The following BMPER variants were observed in gnomAD, a reference collection of about 807,000 sequenced individuals.
The protein encoded by BMPER is BMP-binding endothelial regulator protein.
In BMPER, 45 loss-of-function variants were observed where a neutral mutation model predicts 87.3. The ratio of observed to expected loss-of-function variants is 0.52; its 90% confidence interval spans 0.41 to 0.66. The LOEUF is 0.66. BMPER is among the 30% of genes least tolerant of loss of function. The pLI is 0.00. For synonymous variants in BMPER, 326 were observed against 316.2 expected, an observed-to-expected ratio of 1.03 and a Z score of -0.33; for missense variants, 784 against 867.5, an observed-to-expected ratio of 0.90 and a Z score of 1.21.
intron 6 of BMPER, among the ~76,000 whole-genome samples, chr7:33,988,590 G>A (rs1377410166): frequency 6.6e-6 from 1 of 151,892 alleles, no homozygotes; most frequent in African/African-American, 2.4e-5. Flanking sequence ...ATGCAGTGAA[G>A]TGTTTGGTAT....
At chr7:33,942,730 G>A (rs994415817) in intron 3 of BMPER, among the ~76,000 whole-genome samples, 6 of 152,176 alleles carry the variant, frequency 3.9e-5, no homozygotes, top group African/African-American at 1.2e-4. Flanking sequence ...GACCATGTAG[G>A]CGTGAGAAAT....
intron 8 of BMPER, among the ~76,000 whole-genome samples, chr7:34,053,884 G>T (rs1474254973): frequency 6.6e-6 from 1 of 152,186 alleles, no homozygotes; most frequent in Non-Finnish European, 1.5e-5. Flanking sequence ...AGTGTCAATT[G>T]TAGTTTTCTG....
chr7:34,083,841 C>T (rs1455119220), intron 12 of BMPER, among the ~76,000 whole-genome samples: 1 of 152,116 alleles, frequency 6.6e-6, no homozygotes, highest in Admixed American at 6.5e-5. Flanking sequence ...CTTGTCCCAT[C>T]ACCACCTCAT....
chr7:34,031,883 CAT>C (rs757962483), intron 6 of BMPER, among the ~76,000 whole-genome samples: 5,381 of 52,654 alleles, frequency 0.1, 168 homozygotes, highest in Non-Finnish European at 0.13. Context: ...TTAATTTGAC[CAT>C]ATATATATAT....
chr7:34,130,837 G>A (rs1298132758), intron 13 of BMPER, among the ~76,000 whole-genome samples: 1 of 152,186 alleles, frequency 6.6e-6, no homozygotes, highest in Non-Finnish European at 1.5e-5. Context: ...CTAGGAGAAG[G>A]GGGAGGAAGA....
chr7:33,948,844 T>C (rs1439945565), intron 3 of BMPER, among the ~76,000 whole-genome samples: 1 of 152,130 alleles, frequency 6.6e-6, no homozygotes, highest in Non-Finnish European at 1.5e-5. Flanking sequence ...AATGTGGGAA[T>C]GGACTAATAC....
chr7:34,097,530 A>T (rs1047781669), intron 13 of BMPER, among the ~76,000 whole-genome samples: 1 of 152,086 alleles, frequency 6.6e-6, no homozygotes, highest in African/African-American at 2.4e-5. Flanking sequence ...TGTTATACCT[A>T]TTACATAGCC....
At chr7:34,117,138 C>A (rs1790138691) in intron 13 of BMPER, among the ~76,000 whole-genome samples, 1 of 152,110 alleles carries the variant, frequency 6.6e-6, no homozygotes, top group Non-Finnish European at 1.5e-5. Context: ...AAATCCGTAT[C>A]CCCCAATCAG....
At chr7:33,937,513 G>GGGGTGTGTGTGT (rs1554298268) in intron 3 of BMPER, 125 bp downstream of exon 3, 13 of 734,484 alleles carry the variant, frequency 1.8e-5, no homozygotes, top group Middle Eastern at 3.3e-4. Context: ...GGAGAAGTAG[G>GGGGTGTGTGTGT]GTGTGTGTGT....
chr7:33,917,538 G>A (rs752583310), intron 2 of BMPER, among the ~76,000 whole-genome samples: 1 of 152,042 alleles, frequency 6.6e-6, no homozygotes, highest in Non-Finnish European at 1.5e-5. Flanking sequence ...TGAGAGGGTG[G>A]GATGGGTGGC....
chr7:34,143,265 A>G lies in BMPER; in HGVS notation c.1781A>G (p.His594Arg), dbSNP rs1414252681. The G allele has an allele frequency of 1.9e-6, 3 of 1,613,986 alleles. No individual in the cohort carries two copies. Among genetic ancestry groups the G allele is most frequent in the Non-Finnish European group, 2.5e-6 (3 of 1,179,970 alleles). Residue 594 changes from histidine to arginine, a missense_variant, in exon 14 of 15, where the codon CAT (histidine) becomes CGT (arginine). Transcript: ENST00000649409. ...ACAGACATGTGTGAATGTCCAGTCCATAAAAACTGTTATTGCGAGTCATTT... is the reference window on the plus strand; with the variant it reads ...ACAGACATGTGTGAATGTCCAGTCCGTAAAAACTGTTATTGCGAGTCATTT... ...CVTDMCECPV[H>R]KNCYCESFLA...
At chr7:34,022,848 G>A (rs774170564) in intron 6 of BMPER, among the ~76,000 whole-genome samples, 18 of 151,986 alleles carry the variant, frequency 1.2e-4, no homozygotes, top group African/African-American at 3.6e-4. Flanking sequence ...GCTCTCCAGG[G>A]TGATGCTATG....
Position 34,085,802 on chromosome 7 carries a change from T to C in BMPER, c.1455T>C (p.Ala485=), listed in dbSNP as rs376491219. 4.0e-5 allele frequency: 65 copies of C among 1,614,100 alleles called. No homozygotes were observed. Among genetic ancestry groups the C allele is most frequent in the Non-Finnish European group, 5.3e-5 (62 of 1,180,044 alleles). Residue 485 remains alanine (A), a synonymous_variant, in exon 13 of 15, where the codon GCT becomes GCC. Transcript: ENST00000649409. ...GAGACAGTTTTGTAGAAGTCATGGC[T>C]GCGCCGCATCTCAAGGGCAAGCTCT... The part of the protein sequence containing the change: ...WDGDSFVEVM[A]APHLKGKLCG...
In BMPER at chr7:34,039,603, TACACACACACACAC is replaced by T. The variant is rs56214614; in HGVS notation, c.577-6676_577-6663del. Among the ~76,000 whole-genome samples, 141 of 142,688 alleles carry T rather than the reference TACACACACACACAC, an allele frequency of 9.9e-4. 1 individual carries two copies. The highest frequency in any genetic ancestry group is 1.3e-3 in the Admixed American group (18 of 14,022). 93.6% of individuals were successfully genotyped at this position (142,688 alleles called of 152,430 possible). ...TAATCTAGTGGGTAAGACACACAAA[TACACACACACACAC>T]ACACACACACACACACACACACACA... On this transcript the variant is annotated intron_variant, in intron 6 of 14. Coordinates refer to ENST00000649409, the MANE Select transcript of BMPER (RefSeq NM_001365308.1).
chr7:34,125,584 G>A (rs892869846), intron 13 of BMPER, among the ~76,000 whole-genome samples: 2 of 152,056 alleles, frequency 1.3e-5, no homozygotes, highest in South Asian at 2.1e-4. Context: ...ATGCATGAGC[G>A]ACTGAAGGAA....
chr7:34,126,923 CT>C (rs1790417377), intron 13 of BMPER, among the ~76,000 whole-genome samples: 1 of 152,070 alleles, frequency 6.6e-6, no homozygotes, highest in South Asian at 2.1e-4. Context: ...TATTAAGAGC[CT>C]TTATAAAACA....
chr7:34,095,657 T>G lies in BMPER; in HGVS notation c.1745+9565T>G, dbSNP rs984585679. On this transcript the variant is annotated intron_variant, in intron 13 of 14. Transcript: ENST00000649409. ...AAAGAACTTGAGGACATGAGCTGTA[T>G]TTTTTCCCTTTTCCCAGGAGTTATC... Among the ~76,000 whole-genome samples the G allele has an allele frequency of 9.9e-5, 15 of 152,226 alleles. 1 individual carries two copies. The highest frequency in any genetic ancestry group is 1.3e-4 in the Non-Finnish European group (9 of 68,044).
At chr7:34,036,800 T>C (rs1191603659) in intron 6 of BMPER, among the ~76,000 whole-genome samples, 1 of 152,136 alleles carries the variant, frequency 6.6e-6, no homozygotes. Flanking sequence ...TATCGCAGTC[T>C]TTCATCAGTG....
chr7:33,991,099 T>C (rs567678978), intron 6 of BMPER, among the ~76,000 whole-genome samples: 1,613 of 146,766 alleles, frequency 0.011, 21 homozygotes, highest in Middle Eastern at 0.059. Flanking sequence ...TGTCTCTGCC[T>C]GGCTTTGGTA....
Sources: allele counts gnomAD v4.1 joint callset (sites outside exome capture counted in the v4.1 genomes callset), GRCh38; gene constraint gnomAD v4.1.1; transcripts MANE v1.5; gene names NCBI Gene and HGNC (gene_info 2026-07-23, HGNC 2026-07-21).